ARHGAP26: variants seen among roughly 807,000 people sequenced by gnomAD.
ARHGAP26 encodes the protein Rho GTPase activating protein 26.
ARHGAP26 carries 38 observed loss-of-function variants against 104.8 expected under a neutral mutation model. The observed-to-expected ratio is 0.36, with a 90% confidence interval of 0.28 to 0.48. The LOEUF (loss-of-function observed/expected upper bound fraction) is 0.48. Ranked by LOEUF, ARHGAP26 falls within the 20% of genes least tolerant of loss-of-function variation. The pLI, the probability that ARHGAP26 is intolerant of heterozygous loss-of-function variation, is 0.99. For synonymous variants in ARHGAP26, 341 were observed against 340.0 expected (o/e 1.00, Z -0.03); for missense variants, 704 against 947.9 (o/e 0.74, Z 3.38).
chr5:143,219,452 G>T (rs1328314016), intron 22 of ARHGAP26, among the ~76,000 whole-genome samples: 1 of 152,200 alleles, frequency 6.6e-6, no homozygotes, highest in Non-Finnish European at 1.5e-5. Flanking sequence ...ACTAGATAGA[G>T]AAGCAAAGCT....
intron 1 of ARHGAP26, among the ~76,000 whole-genome samples, chr5:142,834,755 T>G (rs1769212773): frequency 6.6e-6 from 1 of 152,212 alleles, no homozygotes; most frequent in African/African-American, 2.4e-5. Context: ...TTCTGCCACA[T>G]TCTGTTGGCC....
At chr5:143,199,231 T>C (rs1807334364) in intron 20 of ARHGAP26, among the ~76,000 whole-genome samples, 1 of 152,232 alleles carries the variant, frequency 6.6e-6, no homozygotes, top group Admixed American at 6.5e-5. Context: ...TGTGGATTTT[T>C]TCTGCTCATA....
chr5:142,838,582 A>G (rs1388334690), intron 1 of ARHGAP26, among the ~76,000 whole-genome samples: 1 of 152,238 alleles, frequency 6.6e-6, no homozygotes, highest in African/African-American at 2.4e-5. Flanking sequence ...TTGGACAATA[A>G]TGCCTACATT....
chr5:143,221,203 A>T (rs1048125734), intron 22 of ARHGAP26, among the ~76,000 whole-genome samples: 4 of 152,162 alleles, frequency 2.6e-5, no homozygotes, highest in Non-Finnish European at 5.9e-5. Context: ...AATCTTTATA[A>T]TATCACAATG....
chr5:143,177,594 C>T (rs2151167263), intron 20 of ARHGAP26, among the ~76,000 whole-genome samples: 1 of 152,268 alleles, frequency 6.6e-6, no homozygotes. Flanking sequence ...TTCTGATAGG[C>T]TTAGGATCTG....
At chr5:142,977,052 G>A (rs1227510070) in intron 11 of ARHGAP26, among the ~76,000 whole-genome samples, 1 of 152,208 alleles carries the variant, frequency 6.6e-6, no homozygotes, top group Admixed American at 6.5e-5. Flanking sequence ...CCACTCCTGA[G>A]TCATATGCTA....
chr5:143,119,870 C>A (rs549932250), intron 17 of ARHGAP26, among the ~76,000 whole-genome samples: 1 of 150,624 alleles, frequency 6.6e-6, no homozygotes, highest in African/African-American at 2.5e-5. Flanking sequence ...GCGCTTAAGG[C>A]AGTATAATCT....
chr5:142,822,167 A>G (rs527765864), intron 1 of ARHGAP26, among the ~76,000 whole-genome samples: 1 of 152,290 alleles, frequency 6.6e-6, no homozygotes, highest in East Asian at 1.9e-4. Flanking sequence ...TTTGCCTAGA[A>G]TTGACTCACT....
At chr5:143,030,126 C>G (rs1402841257) in intron 12 of ARHGAP26, among the ~76,000 whole-genome samples, 1 of 152,226 alleles carries the variant, frequency 6.6e-6, no homozygotes, top group Non-Finnish European at 1.5e-5. Context: ...TCTTGGTTTT[C>G]TGAATACTGA....
intron 14 of ARHGAP26, among the ~76,000 whole-genome samples, chr5:143,052,727 A>T (rs905993432): frequency 1.3e-5 from 2 of 152,196 alleles, no homozygotes; most frequent in Non-Finnish European, 2.9e-5. Flanking sequence ...TCCTGAAGCC[A>T]TTCATGAGTA....
At chr5:142,862,928 C>G (rs537903741) in intron 1 of ARHGAP26, among the ~76,000 whole-genome samples, 2 of 152,116 alleles carry the variant, frequency 1.3e-5, no homozygotes, top group Non-Finnish European at 2.9e-5. Context: ...CTAACAGAGT[C>G]TGTGTTCTCT....
intron 20 of ARHGAP26, among the ~76,000 whole-genome samples, chr5:143,181,991 G>A (rs1467526595): frequency 6.6e-6 from 1 of 152,104 alleles, no homozygotes; most frequent in African/African-American, 2.4e-5. Flanking sequence ...ACGCTCCTGT[G>A]CTTATTCTTG....
chr5:142,957,527 C>G (rs973891639), intron 11 of ARHGAP26, among the ~76,000 whole-genome samples: 1 of 152,132 alleles, frequency 6.6e-6, no homozygotes, highest in Non-Finnish European at 1.5e-5. Context: ...GGTAATAAGA[C>G]CTTCCTTCCT....
At chr5:143,024,569 C>A (rs893853543) in intron 12 of ARHGAP26, among the ~76,000 whole-genome samples, 2 of 152,108 alleles carry the variant, frequency 1.3e-5, no homozygotes, top group Non-Finnish European at 2.9e-5. Flanking sequence ...ATATTTCCCC[C>A]ACTGCCACCG....
At chr5:142,896,158 C>T (rs879714335) in intron 6 of ARHGAP26, among the ~76,000 whole-genome samples, 3 of 152,214 alleles carry the variant, frequency 2.0e-5, no homozygotes, top group Non-Finnish European at 4.4e-5. Context: ...TGAAGACTTG[C>T]TTCCTGTGGT....
intron 4 of ARHGAP26, among the ~76,000 whole-genome samples, chr5:142,881,875 T>G (rs1757048271): frequency 6.6e-6 from 1 of 152,072 alleles, no homozygotes; most frequent in African/African-American, 2.4e-5. Context: ...CCTCCTCCAC[T>G]CTCTGGTGCT....
rs192841369 is a variant in ARHGAP26, at chr5:142,983,145, T to C, written c.1108-30935T>C. 2.9e-3 allele frequency among the ~76,000 whole-genome samples: 437 copies of C among 152,316 alleles called. 4 individuals carry two copies. Among genetic ancestry groups the C allele is most frequent in the African/African-American group, 9.9e-3 (413 of 41,566 alleles). ...TGAAATGGAGACACCTGTATGTCTGTGATCTCTGAGCCTTATCTTCCCTTG... is the reference window on the plus strand; with the variant it reads ...TGAAATGGAGACACCTGTATGTCTGCGATCTCTGAGCCTTATCTTCCCTTG... On this transcript the variant is annotated intron_variant, in intron 11 of 22. Transcript: ENST00000645722.
At position 143,225,408 on chromosome 5, in the gene ARHGAP26, C is replaced by T. The variant is rs770360432; in HGVS notation, c.*2962C>T. On this transcript the variant is annotated 3_prime_UTR_variant, in exon 23 of 23. Coordinates refer to ENST00000645722, the MANE Select transcript of ARHGAP26 (RefSeq NM_001135608.3). ...TTTGCCATGTTTGCCAGGCTGATCT[C>T]GAACTCCTGACCTCAAGTGATCTGC... The T allele has an allele frequency of 9.0e-5, 17 of 188,750 alleles. No individual in the cohort carries two copies. The highest frequency in any genetic ancestry group is 1.4e-4 in the Non-Finnish European group (13 of 89,824). The allele number at this position is 188,750 out of a possible 1,614,324, so 11.7% of individuals were successfully genotyped here.
At chr5:143,044,108 A>T (rs1409214288) in intron 14 of ARHGAP26, among the ~76,000 whole-genome samples, 1 of 152,242 alleles carries the variant, frequency 6.6e-6, no homozygotes, top group African/African-American at 2.4e-5. Context: ...GAAACTATTA[A>T]AAGTTCTCAA....
Sources: gnomAD v4.1 joint callset for allele counts (sites outside exome capture counted in the v4.1 genomes callset) on GRCh38, gnomAD v4.1.1 for gene constraint, MANE v1.5 for transcripts, NCBI Gene and HGNC (gene_info 2026-07-23, HGNC 2026-07-21) for gene names.